SLC45A1: variants seen among roughly 807,000 people sequenced by gnomAD.
The protein encoded by SLC45A1 is solute carrier family 45 member 1, also known as proton-associated sugar transporter A.
A neutral mutation model predicts 57.6 loss-of-function variants in SLC45A1; 28 were observed. The ratio of observed to expected loss-of-function variants is 0.49; its 90% CI spans 0.36 to 0.67. The LOEUF is 0.67. SLC45A1 is among the 30% of genes least tolerant of loss of function. The probability of loss-of-function intolerance (pLI) is 0.00; values close to 1 mark genes in which losing one functional copy is unlikely to be tolerated. For missense variants in SLC45A1, 814 were observed against 1,041.5 expected (o/e 0.78, Z 3.01); for synonymous variants, 459 against 471.5 (o/e 0.97, Z 0.34).
chr1:8,326,177 G>C lies in SLC45A1; in HGVS notation c.715+135G>C. The stretch of plus-strand genomic sequence containing the variant: ...TTCCAATACATGGAGAAACACTGAA[G>C]TGATTGAAAATACATATCTCACACA... On this transcript the variant is annotated intron_variant, in intron 4 of 8. Coordinates refer to ENST00000471889, the MANE Select transcript of SLC45A1 (RefSeq NM_001080397.3). This position sits in a 1 kb window ranked among gnomAD's most constrained non-coding sequence, Gnocchi z 5.5. 1 of 674,836 alleles carries C rather than the reference G, an allele frequency of 1.5e-6. No homozygotes were observed. The highest frequency in any genetic ancestry group is 2.5e-6 in the Non-Finnish European group (1 of 399,036). The allele number at this position is 674,836 out of a possible 1,614,324, so 41.8% of individuals were successfully genotyped here.
chr1:8,331,668 C>T (rs926744826), intron 5 of SLC45A1, among the ~76,000 whole-genome samples: 1 of 152,134 alleles, frequency 6.6e-6, no homozygotes, highest in South Asian at 2.1e-4. Flanking sequence ...GCCTCAGAAA[C>T]GTGACGTCTT....
chr1:8,334,933 C>T (rs537782347), intron 5 of SLC45A1, among the ~76,000 whole-genome samples: 1 of 152,124 alleles, frequency 6.6e-6, no homozygotes, highest in South Asian at 2.1e-4. Flanking sequence ...TCTCTGAGCC[C>T]CTGTCAAGGG....
At chr1:8,336,812 C>G (rs1370580832) in intron 6 of SLC45A1, among the ~76,000 whole-genome samples, 1 of 152,138 alleles carries the variant, frequency 6.6e-6, no homozygotes, top group African/African-American at 2.4e-5. Flanking sequence ...CCTATAAATA[C>G]CACCTTCCTC....
chr1:8,324,186 A>G lies in SLC45A1; in HGVS notation c.-24-120A>G, dbSNP rs550368820. On this transcript the variant is annotated intron_variant, in intron 1 of 8. Coordinates refer to ENST00000471889, the MANE Select transcript of SLC45A1 (RefSeq NM_001080397.3). ...AGGCCCCGGAGCATCAACCATGAGC[A>G]GTGCATTCTGCTTTCGGGGGATGGT... 1.0e-4 allele frequency: 90 copies of G among 897,920 alleles called. 1 individual carries two copies. In the Admixed American group the frequency reaches 1.5e-3, roughly 15 times the overall value. 55.6% of individuals were successfully genotyped at this position (897,920 alleles called of 1,614,324 possible). A position where few individuals can be genotyped will look rare whatever the true frequency, so the allele number is the denominator to read the frequency against.
rs369409984 is a variant in SLC45A1 at position 8,337,771 on chromosome 1, G to A, written c.1598-45G>A. On this transcript the variant is annotated intron_variant, in intron 6 of 8. Coordinates refer to ENST00000471889, the MANE Select transcript of SLC45A1 (RefSeq NM_001080397.3). ...ATGTTGGTTAGAGAAAGGGCAGAGT[G>A]TTGGCCTTTGCCCCCGAGGTCATGA... is the stretch of plus-strand genomic sequence containing the variant. 958 of 1,564,770 alleles carry A rather than the reference G, an allele frequency of 6.1e-4. 3 individuals are homozygous for A. Among genetic ancestry groups the A allele is most frequent in the South Asian group, 8.5e-4 (74 of 87,118 alleles).
At chr1:8,339,932 GCT>G (rs1337168025) in intron 8 of SLC45A1, among the ~76,000 whole-genome samples, 2 of 152,196 alleles carry the variant, frequency 1.3e-5, no homozygotes, top group African/African-American at 4.8e-5. Context: ...TCTGGGTCAG[GCT>G]CTGTCCTTCC....
In SLC45A1 at chr1:8,325,412, A is replaced by G. The variant is rs2124294118; in HGVS notation, c.490+22A>G. 6.5e-7 allele frequency: 1 copy of G among 1,527,274 alleles called. No individual in the cohort carries two copies. Among genetic ancestry groups the G allele is most frequent in the Non-Finnish European group, 9.0e-7 (1 of 1,108,492 alleles). 94.6% of individuals were successfully genotyped at this position (1,527,274 alleles called of 1,614,324 possible). ...ATAGGTCTGTTGTTTTGGCATGGAA[A>G]TAAAATGGAGAGGAAAAAAAAAAGG... On this transcript the variant is annotated intron_variant, in intron 3 of 8. Transcript: ENST00000471889. This position sits in a 1 kb window ranked among gnomAD's most constrained non-coding sequence, Gnocchi z 6.3.
intron 5 of SLC45A1, among the ~76,000 whole-genome samples, chr1:8,333,609 A>AT (rs1199196609): frequency 1.3e-5 from 2 of 151,864 alleles, no homozygotes; most frequent in African/African-American, 4.8e-5. Context: ...CTAATTTTTT[A>AT]TTTTTTGTAG....
intron 7 of SLC45A1, among the ~76,000 whole-genome samples, chr1:8,338,429 C>T (rs1007787776): frequency 4.6e-5 from 7 of 152,334 alleles, no homozygotes; most frequent in African/African-American, 1.7e-4. Flanking sequence ...GGCCAGGGGC[C>T]CAGATGACTT....
chr1:8,319,680 C>G lies in SLC45A1; in HGVS notation c.-25+1494C>G, dbSNP rs137928816. ...TATGATCTTAAATTCCACTTTCACC[C>G]ATTTTTATGGGAACCTTAAAAATGG... On this transcript the variant is annotated intron_variant, in intron 1 of 8. Coordinates refer to ENST00000471889, the MANE Select transcript of SLC45A1 (RefSeq NM_001080397.3). 3.3e-5 allele frequency among the ~76,000 whole-genome samples: 5 copies of G among 152,212 alleles called. No homozygotes were observed. The East Asian group carries it at 9.7e-4, about 29-fold the overall frequency.
In SLC45A1 at chr1:8,343,357, G is replaced by C. The variant is rs1228976991; in HGVS notation, c.1981-390G>C. ...CGGCTGTCATGTGCAGAGGACTTTG[G>C]GGGTGTAGGGCAGGTCCCATCCTGG... On this transcript the variant is annotated intron_variant, in intron 8 of 8. Coordinates refer to ENST00000471889, the MANE Select transcript of SLC45A1 (RefSeq NM_001080397.3). This position sits in a 1 kb window ranked among gnomAD's most constrained non-coding sequence, Gnocchi z 7.7. 6.6e-6 allele frequency among the ~76,000 whole-genome samples: 1 copy of C among 152,186 alleles called. No individual in the cohort carries two copies. Among genetic ancestry groups the C allele is most frequent in the Admixed American group, 6.5e-5 (1 of 15,282 alleles).
chr1:8,343,450 G>A lies in SLC45A1; in HGVS notation c.1981-297G>A, dbSNP rs995570804. ...GGCTGGGCAGATTGGTTTTCTTTGG[G>A]TGAGAGGATGGGGAAGAGCTCAAGT... On this transcript the variant is annotated intron_variant, in intron 8 of 8. Coordinates refer to ENST00000471889, the MANE Select transcript of SLC45A1 (RefSeq NM_001080397.3). The surrounding 1 kb of genome is among the most constrained non-coding windows in gnomAD (Gnocchi z 7.7). 5.9e-5 allele frequency among the ~76,000 whole-genome samples: 9 copies of A among 152,202 alleles called. No homozygotes were observed. The highest frequency in any genetic ancestry group is 1.2e-4 in the Non-Finnish European group (8 of 68,032).
At chr1:8,334,241 A>AGCTAAATAT (rs1640525790) in intron 5 of SLC45A1, among the ~76,000 whole-genome samples, 3 of 152,236 alleles carry the variant, frequency 2.0e-5, no homozygotes, top group African/African-American at 4.8e-5. Context: ...ATATAAACGC[A>AGCTAAATAT]TCCAGGCTCA....
chr1:8,324,250 G>T, intron 1 of SLC45A1, 56 bp from the exon 2 acceptor site: 1 of 1,475,682 alleles, frequency 6.8e-7, no homozygotes, highest in Non-Finnish European at 9.3e-7. Context: ...TCAAATGTTG[G>T]GGGAGGACTA....
rs775365658 is a variant in SLC45A1, at chr1:8,325,537, G to A, written c.490+147G>A. 1.3e-4 allele frequency: 82 copies of A among 653,576 alleles called. 1 individual carries two copies. The highest frequency in any genetic ancestry group is 8.8e-4 in the Middle Eastern group (3 of 3,400). 40.5% of individuals were successfully genotyped at this position (653,576 alleles called of 1,614,324 possible). On this transcript the variant is annotated intron_variant, in intron 3 of 8. Coordinates refer to ENST00000471889, the MANE Select transcript of SLC45A1 (RefSeq NM_001080397.3). This position sits in a 1 kb window ranked among gnomAD's most constrained non-coding sequence, Gnocchi z 6.3. ...ACTGGTGTGAGGCAGGGAGTGCCCC[G>A]CAACCTGGCCTCAGTTAACTGTGAG...
intron 1 of SLC45A1, among the ~76,000 whole-genome samples, chr1:8,322,051 ATGGATGGATGGGTGGG>A (rs1640032207): frequency 4.7e-5 from 1 of 21,314 alleles, no homozygotes; most frequent in East Asian, 1.3e-3. Flanking sequence ...GGGTGGGTGG[ATGGATGGATGGGTGGG>A]TGGGTGGATT....
intron 2 of SLC45A1, 74 bp downstream of exon 2, chr1:8,324,800 G>A (rs1640146915): frequency 1.5e-5 from 21 of 1,361,174 alleles, no homozygotes; most frequent in Non-Finnish European, 2.1e-5. Context: ...TAGCCTGAGG[G>A]TCCTGAGGGG....
chr1:8,331,219 G>C (rs114246547), intron 5 of SLC45A1, among the ~76,000 whole-genome samples: 1,678 of 151,800 alleles, frequency 0.011, 34 homozygotes, highest in African/African-American at 0.039. Context: ...CTACTTTTTA[G>C]TATTTTAGTA....
At position 8,327,684 on chromosome 1, in the gene SLC45A1, A is replaced by G. The variant is rs1437805186; in HGVS notation, c.715+1642A>G. 6.6e-6 allele frequency among the ~76,000 whole-genome samples: 1 copy of G among 152,228 alleles called. No homozygotes were observed. Among genetic ancestry groups the G allele is most frequent in the Admixed American group, 6.5e-5 (1 of 15,276 alleles). ...AAATAAATAACTCTAGCTTGTCTAT[A>G]TAAAATACTTGCCTTGTTACAGAAT... On this transcript the variant is annotated intron_variant, in intron 4 of 8. Transcript: ENST00000471889. This position sits in a 1 kb window ranked among gnomAD's most constrained non-coding sequence, Gnocchi z 4.3.
Sources: allele counts gnomAD v4.1 joint callset (sites outside exome capture counted in the v4.1 genomes callset), GRCh38; gene constraint gnomAD v4.1.1; non-coding constraint Gnocchi (gnomAD v3.1); transcripts MANE v1.5; gene names NCBI Gene and HGNC (gene_info 2026-07-23, HGNC 2026-07-21).